TMEM63C: variants seen among roughly 807,000 people sequenced by gnomAD.
TMEM63C encodes the protein osmosensitive cation channel TMEM63C.
In TMEM63C, 32 loss-of-function variants were observed where a neutral mutation model predicts 99.2. That is an observed-to-expected ratio of 0.32 (90% CI 0.24 to 0.43). The LOEUF (loss-of-function observed/expected upper bound fraction) is 0.43, where lower values mean the gene tolerates loss of function less well. Among genes scored for constraint, TMEM63C ranks in the 20% least tolerant of loss-of-function variants. The pLI is 1.00. For synonymous variants in TMEM63C, 376 were observed against 397.9 expected, an observed-to-expected ratio of 0.94 and a Z score of 0.66; for missense variants, 826 against 1,053.0, an observed-to-expected ratio of 0.78 and a Z score of 2.98.
At chr14:77,244,509 G>C in intron 16 of TMEM63C, 54 bp downstream of exon 16, 1 of 1,445,110 alleles carries the variant, frequency 6.9e-7, no homozygotes. Flanking sequence ...CTCTTCCCCT[G>C]CCCTGGCTTC....
intron 6 of TMEM63C, among the ~76,000 whole-genome samples, 175 bp downstream of exon 6, chr14:77,225,636 C>G (rs114143395): frequency 2.0e-5 from 3 of 152,170 alleles, no homozygotes; most frequent in Admixed American, 6.5e-5. Context: ...CAGTTGGTGA[C>G]GTGAGAACTG....
At chr14:77,251,253 T>C (rs747682319) in intron 21 of TMEM63C, among the ~76,000 whole-genome samples, 3 of 152,250 alleles carry the variant, frequency 2.0e-5, no homozygotes, top group Non-Finnish European at 4.4e-5. Context: ...CATTAAGCAG[T>C]GATTTTTGGC....
intron 1 of TMEM63C, among the ~76,000 whole-genome samples, chr14:77,193,489 A>G (rs554695252): frequency 6.6e-6 from 1 of 152,264 alleles, no homozygotes; most frequent in Non-Finnish European, 1.5e-5. Flanking sequence ...TGAGCCCAGG[A>G]GTTTGAGACC....
At chr14:77,243,900 A>G (rs1889224936) in intron 15 of TMEM63C, among the ~76,000 whole-genome samples, 1 of 151,706 alleles carries the variant, frequency 6.6e-6, no homozygotes, top group African/African-American at 2.4e-5. Context: ...ACACACACAC[A>G]AGTCAAGCCA....
At position 77,247,177 on chromosome 14, in the gene TMEM63C, T is replaced by C. The variant is rs148479828; in HGVS notation, c.1601+503T>C. On this transcript the variant is annotated intron_variant, in intron 18 of 23. Transcript: ENST00000298351. ...TCAAGATATTTTAAAAATCAAATTTTTGACATAGTCTTTATAAACACAAGA... is the reference window on the plus strand; with the variant it reads ...TCAAGATATTTTAAAAATCAAATTTCTGACATAGTCTTTATAAACACAAGA... Among the ~76,000 whole-genome samples, 1,480 of 152,218 alleles carry C rather than the reference T, an allele frequency of 9.7e-3. 22 individuals are homozygous for C. The highest frequency in any genetic ancestry group is 0.034 in the African/African-American group (1,409 of 41,482).
At chr14:77,192,166 A>G (rs1041116253) in intron 1 of TMEM63C, among the ~76,000 whole-genome samples, 5 of 151,906 alleles carry the variant, frequency 3.3e-5, no homozygotes, top group Non-Finnish European at 5.9e-5. Flanking sequence ...TTCACTTTCC[A>G]CCTATGTGAG....
rs368812909 is a variant in TMEM63C, at chr14:77,239,617, G to A, written c.821G>A (p.Arg274Gln). 4.8e-5 allele frequency: 78 copies of A among 1,613,232 alleles called. No individual in the cohort carries two copies. Among genetic ancestry groups the A allele is most frequent in the Admixed American group, 2.2e-4 (13 of 59,960 alleles). Residue 274 changes from arginine (R) to glutamine (Q), a missense_variant, in exon 12 of 24, where the codon CGG (arginine) becomes CAG (glutamine). By Grantham distance (43) the Arg-to-Gln change is conservative. Coordinates refer to ENST00000298351, the MANE Select transcript of TMEM63C (RefSeq NM_020431.4). ...DLDDQRRHAM[R>Q]GRLFYTAKAK... Reference sequence around the variant, plus strand: ...ACCGCTGGCAGGCGCCATGCCATGCGGGGCCGGCTTTTCTATACAGCCAAG... The same window carrying A: ...ACCGCTGGCAGGCGCCATGCCATGCAGGGCCGGCTTTTCTATACAGCCAAG...
At chr14:77,254,660 T>G (rs1162171459) in intron 23 of TMEM63C, among the ~76,000 whole-genome samples, 1 of 152,044 alleles carries the variant, frequency 6.6e-6, no homozygotes, top group Non-Finnish European at 1.5e-5. Flanking sequence ...CAATATAGAG[T>G]CCAGGGCACC....
At chr14:77,251,616 G>A in intron 21 of TMEM63C, 173 bp from the exon 22 acceptor site, 1 of 609,308 alleles carries the variant, frequency 1.6e-6, no homozygotes, top group Non-Finnish European at 2.9e-6. Flanking sequence ...AATTCTAACA[G>A]AGCAAAGGGA....
At position 77,236,441 on chromosome 14, in the gene TMEM63C, G is replaced by A. The variant is rs373089768; in HGVS notation, c.543-183G>A. On this transcript the variant is annotated intron_variant, in intron 8 of 23. Transcript: ENST00000298351. The stretch of plus-strand genomic sequence containing the variant: ...TCTAGGGAGACTGTGATGGGTGGGG[G>A]TGGGGGATACTGTAATGGGTTGGGG... 2.5e-4 allele frequency among the ~76,000 whole-genome samples: 12 copies of A among 47,614 alleles called. 1 individual carries two copies. The East Asian group carries it at 6.7e-3, about 26-fold the overall frequency. The allele number at this position is 47,614 out of a possible 152,430, so 31.2% of individuals were successfully genotyped here.
At chr14:77,196,824 C>G (rs568105908) in intron 1 of TMEM63C, among the ~76,000 whole-genome samples, 14 of 152,194 alleles carry the variant, frequency 9.2e-5, no homozygotes, top group Admixed American at 4.6e-4. Flanking sequence ...GTAATCTTGT[C>G]AAAACAGCGC....
chr14:77,239,060 A>G (rs1019861593), intron 10 of TMEM63C, among the ~76,000 whole-genome samples: 1 of 152,182 alleles, frequency 6.6e-6, no homozygotes. Flanking sequence ...GATCACAGCT[A>G]TTTAGAGAAG....
chr14:77,256,412 C>T, intron 23 of TMEM63C, 114 bp from the exon 24 acceptor site: 1 of 1,029,878 alleles, frequency 9.7e-7, no homozygotes, highest in South Asian at 1.5e-5. Context: ...AAGGCAGGCT[C>T]CAAGGTCTGG....
Position 77,249,286 on chromosome 14 carries a change from C to T in TMEM63C, c.1871-5C>T. ...ACTGAGTAAGTTTCCACCTTTGTCCCCCAGGGTTGCTCTACCTGTGCATGA... is the reference window on the plus strand; with the variant it reads ...ACTGAGTAAGTTTCCACCTTTGTCCTCCAGGGTTGCTCTACCTGTGCATGA... On this transcript the variant is annotated splice_region_variant and splice_polypyrimidine_tract_variant and intron_variant, in intron 20 of 23. Transcript: ENST00000298351. 6.2e-7 allele frequency: 1 copy of T among 1,613,776 alleles called. No individual in the cohort carries two copies. Among genetic ancestry groups the T allele is most frequent in the African/African-American group, 1.3e-5 (1 of 75,028 alleles).
intron 1 of TMEM63C, among the ~76,000 whole-genome samples, chr14:77,204,506 G>A (rs1346104034): frequency 6.6e-6 from 1 of 152,108 alleles, no homozygotes; most frequent in Non-Finnish European, 1.5e-5. Context: ...CCAACCCACT[G>A]CCAATCTTTC....
chr14:77,186,477 G>A (rs966530682), intron 1 of TMEM63C, among the ~76,000 whole-genome samples: 2 of 152,170 alleles, frequency 1.3e-5, no homozygotes, highest in Non-Finnish European at 2.9e-5. Flanking sequence ...GCCTAGGAGG[G>A]AGGATTGCTT....
At chr14:77,192,545 G>T (rs1319232967) in intron 1 of TMEM63C, among the ~76,000 whole-genome samples, 1 of 151,966 alleles carries the variant, frequency 6.6e-6, no homozygotes, top group Non-Finnish European at 1.5e-5. Flanking sequence ...AATAAAGTTG[G>T]GCCCTACCAC....
intron 6 of TMEM63C, among the ~76,000 whole-genome samples, chr14:77,226,668 G>C (rs1194780587): frequency 6.6e-6 from 1 of 152,100 alleles, no homozygotes; most frequent in Non-Finnish European, 1.5e-5. Flanking sequence ...GATGAGTAGG[G>C]TGTGCACAGA....
chr14:77,215,324 G>A (rs1393616715), intron 2 of TMEM63C, among the ~76,000 whole-genome samples: 1 of 152,100 alleles, frequency 6.6e-6, no homozygotes, highest in Admixed American at 6.5e-5. Flanking sequence ...AGCAAGGCTG[G>A]GCATGGGGGC....
Sources: allele counts gnomAD v4.1 joint callset (sites outside exome capture counted in the v4.1 genomes callset), GRCh38; gene constraint gnomAD v4.1.1; transcripts MANE v1.5; gene names NCBI Gene and HGNC (gene_info 2026-07-23, HGNC 2026-07-21).